ABCA12: variants seen among roughly 807,000 people sequenced by gnomAD.
ABCA12 encodes the protein ATP binding cassette subfamily A member 12.
ABCA12 carries 156 observed loss-of-function variants against 293.5 expected under a neutral mutation model. The ratio of observed to expected loss-of-function variants is 0.53; its 90% CI spans 0.47 to 0.61. The LOEUF is 0.61. ABCA12 is among the 20% of genes least tolerant of loss of function. ABCA12 has a pLI of 0.00. For synonymous variants in ABCA12, 1,063 were observed against 1,108.0 expected (o/e 0.96, Z 0.81); for missense variants, 2,797 against 3,090.2 (o/e 0.91, Z 2.25).
chr2:214,981,942 T>TTTTTTA (rs375532243), intron 30 of ABCA12, among the ~76,000 whole-genome samples: 5 of 128,628 alleles, frequency 3.9e-5, no homozygotes, highest in East Asian at 2.1e-4. Context: ...GTCAGCTGTT[T>TTTTTTA]TTATTATTAT....
intron 1 of ABCA12, 55 bp from the exon 2 acceptor site, chr2:215,111,745 T>A: frequency 7.6e-7 from 1 of 1,322,212 alleles, no homozygotes; most frequent in South Asian, 1.2e-5. Flanking sequence ...CAAAGATTTT[T>A]AAAACCTGAC....
Position 215,017,713 on chromosome 2 carries a change from T to A in ABCA12, c.1782+295A>T. The A allele has an allele frequency of 9.4e-6, 3 of 319,654 alleles. No individual in the cohort carries two copies. In the South Asian group the frequency reaches 1.0e-4, roughly 11 times the overall value. 19.8% of individuals were successfully genotyped at this position (319,654 alleles called of 1,614,324 possible). On this transcript the variant is annotated intron_variant, in intron 14 of 52. Transcript: ENST00000272895. ...TGGAGTGCAGTGGTGCGATCTCAGCTCACTGCAAGCTCATTGATTGAGGAA... is the reference window on the plus strand; with the variant it reads ...TGGAGTGCAGTGGTGCGATCTCAGCACACTGCAAGCTCATTGATTGAGGAA...
chr2:214,980,735 C>T, intron 30 of ABCA12, 92 bp from the exon 31 acceptor site: 1 of 1,480,006 alleles, frequency 6.8e-7, no homozygotes. Context: ...CCTGTGACAT[C>T]TGAGAAGAGT....
At chr2:214,974,215 C>T (rs575341111) in intron 35 of ABCA12, among the ~76,000 whole-genome samples, 173 bp from the exon 36 acceptor site, 12 of 152,154 alleles carry the variant, frequency 7.9e-5, no homozygotes, top group African/African-American at 1.2e-4. Flanking sequence ...AATGATTTGA[C>T]GTTTTGTGAT....
chr2:215,000,998 A>G lies in ABCA12; in HGVS notation c.2886T>C (p.Ser962=). 6.2e-7 allele frequency: 1 copy of G among 1,614,046 alleles called. No homozygotes were observed. Among genetic ancestry groups the G allele is most frequent in the Non-Finnish European group, 8.5e-7 (1 of 1,179,942 alleles). Residue 962 remains serine, a synonymous_variant, in exon 22 of 53, where the codon TCT becomes TCC. Transcript: ENST00000272895. ...CATAGCCTCTGTGCCAGCTTCTGTT[A>G]GAAGGAAGCTTAAAAATAACACCTA... ...LFGSVIFKLP[S]NRSWHRGYDS... is the part of the protein sequence containing the mutation.
chr2:215,103,266 TC>T lies in ABCA12; in HGVS notation c.163+8330del, dbSNP rs71399172. Among the ~76,000 whole-genome samples the T allele has an allele frequency of 3.4e-3, 318 of 94,658 alleles. 6 individuals carry two copies. Among genetic ancestry groups the T allele is most frequent in the African/African-American group, 0.011 (273 of 25,338 alleles). 62.1% of individuals were successfully genotyped at this position (94,658 alleles called of 152,430 possible). ...TTAACAATGTCTCTTAAAATTTCTT[TC>T]TTTTTTTTTTTTTTTTTTTGAGACA... On this transcript the variant is annotated intron_variant, in intron 2 of 52. Transcript: ENST00000272895.
rs773975108 is a variant in ABCA12 at position 214,997,812 on chromosome 2, G to A, written c.3180-3C>T. On this transcript the variant is annotated splice_polypyrimidine_tract_variant and splice_region_variant and intron_variant, in intron 22 of 52. Transcript: ENST00000272895. Reference sequence around the variant, plus strand: ...AATAAGAGACACTGGTTAGGAAGCTGTAAAACAAACAAAAAAAGAAAAATT... The same window carrying A: ...AATAAGAGACACTGGTTAGGAAGCTATAAAACAAACAAAAAAAGAAAAATT... 6.3e-7 allele frequency: 1 copy of A among 1,595,546 alleles called. No individual in the cohort carries two copies. Among genetic ancestry groups the A allele is most frequent in the Non-Finnish European group, 8.6e-7 (1 of 1,163,608 alleles).
chr2:215,130,045 G>T (rs1374965496), intron 1 of ABCA12, among the ~76,000 whole-genome samples: 2 of 152,046 alleles, frequency 1.3e-5, no homozygotes, highest in Non-Finnish European at 2.9e-5. Context: ...TAGGTATGTG[G>T]CTTTATTTTG....
At chr2:214,994,358 C>T (rs1340255557) in intron 23 of ABCA12, among the ~76,000 whole-genome samples, 1 of 152,152 alleles carries the variant, frequency 6.6e-6, no homozygotes, top group Non-Finnish European at 1.5e-5. Flanking sequence ...ATCTGATAAC[C>T]TGTTGCTCAA....
intron 47 of ABCA12, 109 bp downstream of exon 47, chr2:214,948,487 T>G: frequency 1.7e-6 from 2 of 1,198,344 alleles, no homozygotes; most frequent in Non-Finnish European, 2.4e-6. Flanking sequence ...TCCAGGTGGT[T>G]TTGAGGGGAA....
intron 28 of ABCA12, among the ~76,000 whole-genome samples, 184 bp from the exon 29 acceptor site, chr2:214,984,049 G>C (rs917470341): frequency 6.8e-6 from 1 of 147,296 alleles, no homozygotes; most frequent in Non-Finnish European, 1.5e-5. Flanking sequence ...TAATAATTCA[G>C]AGTATTACAT....
chr2:215,115,900 C>A (rs545756562), intron 1 of ABCA12, among the ~76,000 whole-genome samples: 1 of 152,030 alleles, frequency 6.6e-6, no homozygotes, highest in African/African-American at 2.4e-5. Flanking sequence ...ATGTCAGAGA[C>A]CAAGTGGGGT....
chr2:214,945,928 A>G (rs982114548), intron 48 of ABCA12, among the ~76,000 whole-genome samples: 37 of 152,156 alleles, frequency 2.4e-4, no homozygotes, highest in African/African-American at 8.9e-4. Context: ...GGCTGGAGGC[A>G]TAGCGGGGAG....
rs149754274 is a variant in ABCA12 at position 214,956,552 on chromosome 2, A to C, written c.6233+111T>G. 5,280 of 783,564 alleles carry C rather than the reference A, an allele frequency of 6.7e-3. 214 individuals are homozygous for C. In the Admixed American group the frequency reaches 0.073, roughly 11 times the overall value. The allele number at this position is 783,564 out of a possible 1,614,324, so 48.5% of individuals were successfully genotyped here. On this transcript the variant is annotated intron_variant, in intron 42 of 52. Coordinates refer to ENST00000272895, the MANE Select transcript of ABCA12 (RefSeq NM_173076.3). Reference sequence around the variant, plus strand: ...TGTGTTGTTAGTCATCACTCATGTCAAATGAAACCCCAAGACAATTGTAAT... The same window carrying C: ...TGTGTTGTTAGTCATCACTCATGTCCAATGAAACCCCAAGACAATTGTAAT...
chr2:214,982,124 T>C (rs1022163211), intron 30 of ABCA12, 63 bp downstream of exon 30: 4 of 1,578,432 alleles, frequency 2.5e-6, no homozygotes, highest in Non-Finnish European at 3.5e-6. Flanking sequence ...AGTTTGCTTT[T>C]GTATATGCCA....
intron 8 of ABCA12, chr2:215,032,231 AC>A: frequency 1.8e-6 from 1 of 563,042 alleles, no homozygotes; most frequent in Non-Finnish European, 2.4e-6. Flanking sequence ...AAGATTGACT[AC>A]CACGTGATTT....
At chr2:214,961,829 G>A (rs1478847944) in intron 39 of ABCA12, 2 of 151,928 alleles carry the variant, frequency 1.3e-5, no homozygotes, top group Admixed American at 1.3e-4. Flanking sequence ...AAAGCAATTG[G>A]GGAAAAAAAT....
intron 7 of ABCA12, among the ~76,000 whole-genome samples, chr2:215,044,024 G>A (rs1329781027): frequency 6.6e-6 from 1 of 151,698 alleles, no homozygotes; most frequent in Non-Finnish European, 1.5e-5. Context: ...TTGTTGTGTT[G>A]TATTTTAATA....
chr2:215,112,787 C>G (rs992228387), intron 1 of ABCA12, among the ~76,000 whole-genome samples: 1 of 152,182 alleles, frequency 6.6e-6, no homozygotes, highest in East Asian at 1.9e-4. Context: ...TGTGAGCCAC[C>G]GTGCCCGGCC....
Sources: gnomAD v4.1 joint callset for allele counts (sites outside exome capture counted in the v4.1 genomes callset) on GRCh38, gnomAD v4.1.1 for gene constraint, MANE v1.5 for transcripts, NCBI Gene and HGNC (gene_info 2026-07-23, HGNC 2026-07-21) for gene names.